The following MIA2 variants were observed in gnomAD, a reference collection of about 807,000 sequenced individuals.
MIA2 encodes the protein melanoma inhibitory activity protein 2.
Under a neutral mutation model 167.8 loss-of-function variants are expected in MIA2, and 127 were observed. That is an observed-to-expected ratio of 0.76 (90% CI 0.66 to 0.88). The LOEUF (loss-of-function observed/expected upper bound fraction) is 0.88. Ranked by LOEUF, MIA2 falls within the 40% of genes least tolerant of loss-of-function variation. The pLI, the probability that MIA2 is intolerant of heterozygous loss-of-function variation, is 0.00. For synonymous variants in MIA2, 552 were observed against 541.9 expected, an observed-to-expected ratio of 1.02 and a Z score of -0.26; for missense variants, 1,690 against 1,624.7, an observed-to-expected ratio of 1.04 and a Z score of -0.69.
intron 6 of MIA2, chr14:39,267,104 G>C: frequency 8.9e-7 from 1 of 1,123,254 alleles, no homozygotes; most frequent in South Asian, 2.4e-5. Flanking sequence ...CGCGAAGAAG[G>C]GGAAGTTTGC....
chr14:39,312,980 G>A (rs1296161900), intron 18 of MIA2, among the ~76,000 whole-genome samples: 2 of 151,870 alleles, frequency 1.3e-5, no homozygotes, highest in Non-Finnish European at 2.9e-5. Flanking sequence ...TTTATTAATT[G>A]GTGACTTCTT....
At chr14:39,315,541 A>G in intron 20 of MIA2, 142 bp from the exon 21 acceptor site, 2 of 613,972 alleles carry the variant, frequency 3.3e-6, no homozygotes, top group Non-Finnish European at 2.9e-6. Context: ...TATACATGAA[A>G]ATTTGCTTTA....
intron 6 of MIA2, among the ~76,000 whole-genome samples, chr14:39,275,139 T>TTGTGTGTGTGTGTGTG (rs67380839): frequency 0.2 from 24,999 of 126,454 alleles, 3,238 homozygotes; most frequent in Non-Finnish European, 0.28. Flanking sequence ...CCTTAATCCT[T>TTGTGTGTGTGTGTGTG]TGTGTGTGTG....
At chr14:39,369,563 C>G (rs1040571981) in intron 23 of MIA2, among the ~76,000 whole-genome samples, 5 of 152,208 alleles carry the variant, frequency 3.3e-5, no homozygotes, top group African/African-American at 4.8e-5. Context: ...GTTATTTTAT[C>G]TTCAACCTAA....
chr14:39,373,445 TAAAA>T (rs1346705899), intron 23 of MIA2, among the ~76,000 whole-genome samples: 1 of 150,418 alleles, frequency 6.6e-6, no homozygotes, highest in Non-Finnish European at 1.5e-5. Context: ...ATTTGAAAGA[TAAAA>T]GAATAAAAGC....
chr14:39,358,090 A>G (rs2074577413), intron 23 of MIA2, among the ~76,000 whole-genome samples: 1 of 152,102 alleles, frequency 6.6e-6, no homozygotes, highest in Admixed American at 6.5e-5. Flanking sequence ...CTGAATTTGA[A>G]TGTTGGCTTG....
At chr14:39,254,838 G>A (rs561628794) in intron 6 of MIA2, among the ~76,000 whole-genome samples, 6 of 152,336 alleles carry the variant, frequency 3.9e-5, no homozygotes, top group Middle Eastern at 3.4e-3. Flanking sequence ...TCTAACATCC[G>A]ATGGTGGCAG....
intron 17 of MIA2, among the ~76,000 whole-genome samples, chr14:39,307,837 C>T (rs952305918): frequency 3.3e-5 from 5 of 151,766 alleles, no homozygotes; most frequent in African/African-American, 7.3e-5. Flanking sequence ...ATAAGCCACA[C>T]GAGAAAGAGA....
rs10556014 is a variant in MIA2 at position 39,259,698 on chromosome 14, G to GT, written c.1887+6551dup. Among the ~76,000 whole-genome samples the GT allele has an allele frequency of 4.6e-3, 535 of 115,356 alleles. 3 individuals are homozygous for GT. The highest frequency in any genetic ancestry group is 7.6e-3 in the Admixed American group (82 of 10,858). The allele number at this position is 115,356 out of a possible 152,430, so 75.7% of individuals were successfully genotyped here. ...GGCATGTGCCACCATGCCTGGCTAG[G>GT]TTTTTTTTTTTTTTTTTTTTTTTTA... On this transcript the variant is annotated intron_variant, in intron 6 of 28. Coordinates refer to ENST00000640607, the MANE Select transcript of MIA2 (RefSeq NM_001329214.4).
At chr14:39,386,158 T>C (rs1467893396) in intron 23 of MIA2, 1 of 1,354,050 alleles carries the variant, frequency 7.4e-7, no homozygotes, top group Admixed American at 1.7e-5. Flanking sequence ...AATAGGAAGA[T>C]GTTGTTCCAG....
intron 23 of MIA2, among the ~76,000 whole-genome samples, chr14:39,376,504 A>C (rs2075049092): frequency 6.6e-6 from 1 of 152,212 alleles, no homozygotes; most frequent in Non-Finnish European, 1.5e-5. Context: ...ATTTATGAAA[A>C]CAGAAAACAT....
Position 39,277,764 on chromosome 14 carries a change from A to ATGTG in MIA2, c.2019+700_2019+701insGTGT. 6.3e-5 allele frequency among the ~76,000 whole-genome samples: 2 copies of ATGTG among 31,790 alleles called. 1 individual carries two copies. The highest frequency in any genetic ancestry group is 2.8e-3 in the South Asian group (2 of 724). The allele number at this position is 31,790 out of a possible 152,430, so 20.9% of individuals were successfully genotyped here. On this transcript the variant is annotated intron_variant, in intron 7 of 28. Transcript: ENST00000640607. ...TATATGTGTGTATATATATATATAT[A>ATGTG]TATATATATATATATATTTATATTT...
chr14:39,360,360 G>A (rs1258028353), intron 23 of MIA2, among the ~76,000 whole-genome samples: 1 of 152,084 alleles, frequency 6.6e-6, no homozygotes, highest in Non-Finnish European at 1.5e-5. Context: ...CCATTTCTTT[G>A]ATGATTAGTG....
At chr14:39,259,504 A>G (rs59096003) in intron 6 of MIA2, among the ~76,000 whole-genome samples, 1,718 of 151,952 alleles carry the variant, frequency 0.011, 29 homozygotes, top group African/African-American at 0.036. Context: ...TCCCGTTAGC[A>G]CTTTTCTTTT....
intron 9 of MIA2, among the ~76,000 whole-genome samples, chr14:39,286,900 T>TGTA (rs2059900886): frequency 6.6e-6 from 1 of 150,798 alleles, no homozygotes; most frequent in Admixed American, 6.6e-5. Flanking sequence ...TGTGTGTGTA[T>TGTA]TTTTTGGTAG....
chr14:39,356,550 C>T (rs919205770), intron 23 of MIA2, among the ~76,000 whole-genome samples: 9 of 152,232 alleles, frequency 5.9e-5, no homozygotes, highest in African/African-American at 1.7e-4. Context: ...GTGTCTCTAT[C>T]TCCTTCAGTT....
chr14:39,286,696 CTTTT>C (rs35159773), intron 9 of MIA2, among the ~76,000 whole-genome samples: 2 of 142,682 alleles, frequency 1.4e-5, no homozygotes, highest in Non-Finnish European at 1.5e-5. Context: ...TTCCTTCTTA[CTTTT>C]TTTTTTTTTT....
At chr14:39,313,692 A>T (rs1207425486) in intron 19 of MIA2, among the ~76,000 whole-genome samples, 14 of 152,134 alleles carry the variant, frequency 9.2e-5, no homozygotes, top group Non-Finnish European at 2.9e-5. Context: ...AAATCTCTCA[A>T]AGTTGAATAT....
intron 23 of MIA2, among the ~76,000 whole-genome samples, chr14:39,368,163 A>G (rs2074861831): frequency 6.6e-6 from 1 of 152,144 alleles, no homozygotes; most frequent in Admixed American, 6.5e-5. Flanking sequence ...CAATGAAGAG[A>G]TTTATTGAGG....
Sources: allele counts gnomAD v4.1 joint callset (sites outside exome capture counted in the v4.1 genomes callset), GRCh38; gene constraint gnomAD v4.1.1; transcripts MANE v1.5; gene names NCBI Gene and HGNC (gene_info 2026-07-23, HGNC 2026-07-21).